The following NCBP3 variants were observed in gnomAD, a reference collection of about 807,000 sequenced individuals.
NCBP3 encodes the protein nuclear cap binding subunit 3.
NCBP3 carries 20 observed loss-of-function variants against 75.7 expected under a neutral mutation model. The ratio of observed to expected loss-of-function variants is 0.26; its 90% CI spans 0.19 to 0.38. The LOEUF (loss-of-function observed/expected upper bound fraction) is 0.38. Among genes scored for constraint, NCBP3 ranks in the 10% least tolerant of loss-of-function variants. The pLI, the probability that NCBP3 is intolerant of heterozygous loss-of-function variation, is 1.00. For missense variants in NCBP3, 678 were observed against 796.9 expected (o/e 0.85, Z 1.80); for synonymous variants, 293 against 290.5 (o/e 1.01, Z -0.09).
At chr17:3,834,513 C>T (rs974676318) in intron 3 of NCBP3, among the ~76,000 whole-genome samples, 3 of 152,200 alleles carry the variant, frequency 2.0e-5, no homozygotes, top group Non-Finnish European at 2.9e-5. Flanking sequence ...CGGTGGCTCA[C>T]GCCTGTAATC....
At chr17:3,840,817 T>A (rs779092140) in intron 2 of NCBP3, among the ~76,000 whole-genome samples, 2 of 152,212 alleles carry the variant, frequency 1.3e-5, no homozygotes, top group Non-Finnish European at 2.9e-5. Flanking sequence ...CTCTCCCTCC[T>A]CTTCCAGCCT....
At chr17:3,820,478 A>G (rs1446087688) in intron 9 of NCBP3, among the ~76,000 whole-genome samples, 1 of 152,206 alleles carries the variant, frequency 6.6e-6, no homozygotes. Context: ...TTCTTTTACA[A>G]TAAGCACCAA....
At chr17:3,835,129 C>A (rs993149781) in intron 3 of NCBP3, among the ~76,000 whole-genome samples, 1 of 152,100 alleles carries the variant, frequency 6.6e-6, no homozygotes, top group East Asian at 1.9e-4. Context: ...GGTAGAGTTA[C>A]GATGAAAATG....
At chr17:3,820,551 C>T (rs2053641807) in intron 9 of NCBP3, among the ~76,000 whole-genome samples, 1 of 152,176 alleles carries the variant, frequency 6.6e-6, no homozygotes, top group Non-Finnish European at 1.5e-5. Context: ...CATGCACAAA[C>T]CAACAAGCAC....
At chr17:3,834,238 A>C (rs1020113656) in intron 3 of NCBP3, among the ~76,000 whole-genome samples, 1 of 152,216 alleles carries the variant, frequency 6.6e-6, no homozygotes, top group Non-Finnish European at 1.5e-5. Flanking sequence ...GGAAATGCTG[A>C]CCATAGACTG....
Position 3,813,214 on chromosome 17 carries a change from G to C in NCBP3, c.1693C>G (p.His565Asp). 6.2e-7 allele frequency: 1 copy of C among 1,614,246 alleles called. No homozygotes were observed. The change falls in exon 13 of 13, where the codon CAC becomes GAC. Residue 565 changes from histidine to aspartate, a missense_variant. This residue lies in a region of NCBP3 where 365 missense variants were observed against 392.7 expected (regional missense o/e 0.93). Transcript: ENST00000389005. ...TKEKNTKKVDHRAPGAEEDDS... is the reference protein window; with the variant it reads ...TKEKNTKKVDDRAPGAEEDDS... ...TCTTCCTCAGCGCCAGGCGCCCTGTGATCCACTTTCTTCGTATTCTTTTCT... is the reference window on the plus strand; with the variant it reads ...TCTTCCTCAGCGCCAGGCGCCCTGTCATCCACTTTCTTCGTATTCTTTTCT...
rs559510465 is a variant in NCBP3, at chr17:3,831,486, T to C, written c.356-2118A>G. On this transcript the variant is annotated intron_variant, in intron 3 of 12. Coordinates refer to ENST00000389005, the MANE Select transcript of NCBP3 (RefSeq NM_001114118.3). Reference sequence around the variant, plus strand: ...TACTTGGGAGGCCGAGGCAGGAGAATGGCGTGAACCCGGGAGGCGGAGCTT... The same window carrying C: ...TACTTGGGAGGCCGAGGCAGGAGAACGGCGTGAACCCGGGAGGCGGAGCTT... 2.0e-5 allele frequency among the ~76,000 whole-genome samples: 3 copies of C among 147,320 alleles called. No individual in the cohort carries two copies. The South Asian group carries it at 6.8e-4, about 33-fold the overall frequency.
rs914055367 is a variant in NCBP3 at position 3,814,343 on chromosome 17, C to T, written c.1606G>A (p.Asp536Asn). ...CAACCTGATTTCTTCTCCCGAGTAT[C>T]GGCGTAGAGGCCTTTACTATCCTGC... ...PRQDSKGLYA[D>N]TREKKSGNLW... is the part of the protein sequence containing the mutation. The change falls in exon 12 of 13, where the codon GAT becomes AAT. Residue 536 changes from aspartate (D) to asparagine (N), a missense_variant. Transcript: ENST00000389005. The T allele has an allele frequency of 9.3e-6, 15 of 1,613,982 alleles. No homozygotes were observed. The highest frequency in any genetic ancestry group is 6.7e-5 in the East Asian group (3 of 44,902).
At chr17:3,825,426 T>A (rs1310843754) in intron 6 of NCBP3, among the ~76,000 whole-genome samples, 1 of 152,250 alleles carries the variant, frequency 6.6e-6, no homozygotes. Context: ...AGTAAATATT[T>A]TTTAAATGAA....
rs763901943 is a variant in NCBP3, at chr17:3,813,155, C to A, written c.1752G>T (p.Leu584=). Residue 584 remains leucine, a synonymous_variant, in exon 13 of 13, where the codon CTG becomes CTT. Coordinates refer to ENST00000389005, the MANE Select transcript of NCBP3 (RefSeq NM_001114118.3). Reference sequence around the variant, plus strand: ...GGCGAGACTGCTCTTTCTCCTTAATCAGAGCCCCCCATGCCCTTTGCAGCT... The same window carrying A: ...GGCGAGACTGCTCTTTCTCCTTAATAAGAGCCCCCCATGCCCTTTGCAGCT... The part of the protein sequence containing the change: ...DSELQRAWGA[L]IKEKEQSRQK... 6.8e-6 allele frequency: 11 copies of A among 1,614,112 alleles called. No homozygotes were observed. In the East Asian group the frequency reaches 2.5e-4, roughly 36 times the overall value.
chr17:3,824,620 A>G (rs1409293698), intron 7 of NCBP3: 1 of 192,456 alleles, frequency 5.2e-6, no homozygotes, highest in African/African-American at 2.4e-5. Context: ...GTTCAGGAGG[A>G]CGTTGCTGTA....
chr17:3,842,253 T>C (rs1299582294), intron 2 of NCBP3, among the ~76,000 whole-genome samples: 1 of 152,114 alleles, frequency 6.6e-6, no homozygotes, highest in Non-Finnish European at 1.5e-5. Context: ...AATGAAACCC[T>C]GTCTCTACTA....
In NCBP3 at chr17:3,803,457, A is replaced by G. The variant is rs1372839792; in HGVS notation, c.*9587T>C. 1 of 152,236 alleles carries G rather than the reference A, an allele frequency of 6.6e-6. No individual in the cohort carries two copies. Among genetic ancestry groups the G allele is most frequent in the Non-Finnish European group, 1.5e-5 (1 of 68,046 alleles). The allele number at this position is 152,236 out of a possible 1,614,324, so 9.4% of individuals were successfully genotyped here. On this transcript the variant is annotated 3_prime_UTR_variant, in exon 13 of 13. Transcript: ENST00000389005. ...TCCTGGGCTGATCAGAGAATATTAC[A>G]CATTTCCTGAATTTGAGAACTGTAC...
In NCBP3 at chr17:3,809,068, G is replaced by C. The variant is rs183369245; in HGVS notation, c.*3976C>G. 1 of 152,238 alleles carries C rather than the reference G, an allele frequency of 6.6e-6. No homozygotes were observed. The highest frequency in any genetic ancestry group is 1.5e-5 in the Non-Finnish European group (1 of 68,024). 9.4% of individuals were successfully genotyped at this position (152,238 alleles called of 1,614,324 possible). A position where few individuals can be genotyped will look rare whatever the true frequency, so the allele number is the denominator to read the frequency against. On this transcript the variant is annotated 3_prime_UTR_variant, in exon 13 of 13. Coordinates refer to ENST00000389005, the MANE Select transcript of NCBP3 (RefSeq NM_001114118.3). ...GGAGGTCAAGGCAGGAGGATCACTT[G>C]AGGCCAGGAGTGCTAGACGGCCTGG...
chr17:3,812,576 TCCCTC>T lies in NCBP3; in HGVS notation c.*463_*467del. On this transcript the variant is annotated 3_prime_UTR_variant, in exon 13 of 13. Coordinates refer to ENST00000389005, the MANE Select transcript of NCBP3 (RefSeq NM_001114118.3). ...GTCCCGGAAGGGTGAGCTGGCCGCT[TCCCTC>T]CTCTTCCCCCTCGAAGGATGTCCAA... 8 of 1,009,618 alleles carry T rather than the reference TCCCTC, an allele frequency of 7.9e-6. No homozygotes were observed. In the Admixed American group the frequency reaches 1.6e-4, roughly 20 times the overall value. 62.5% of individuals were successfully genotyped at this position (1,009,618 alleles called of 1,614,324 possible).
intron 3 of NCBP3, among the ~76,000 whole-genome samples, chr17:3,830,905 CTTTTT>C (rs1274184194): frequency 7.1e-6 from 1 of 141,816 alleles, no homozygotes. Flanking sequence ...TTTTAACTAC[CTTTTT>C]TTTTTTTTCT....
chr17:3,825,535 T>C (rs2053767983), intron 6 of NCBP3, among the ~76,000 whole-genome samples: 1 of 152,248 alleles, frequency 6.6e-6, no homozygotes, highest in South Asian at 2.1e-4. Context: ...CTTCAAAGTA[T>C]TTCTCAATAA....
At chr17:3,844,149 G>A (rs2054115700) in intron 1 of NCBP3, among the ~76,000 whole-genome samples, 1 of 152,188 alleles carries the variant, frequency 6.6e-6, no homozygotes, top group African/African-American at 2.4e-5. Flanking sequence ...AACGCAGAAG[G>A]TCCAGCCTCA....
At chr17:3,842,734 C>T (rs1009882865) in intron 2 of NCBP3, among the ~76,000 whole-genome samples, 12 of 152,132 alleles carry the variant, frequency 7.9e-5, no homozygotes, top group Non-Finnish European at 1.8e-4. Context: ...CAGCCTCAAC[C>T]TCTCAGGCTC....
Sources: gnomAD v4.1 joint callset for allele counts (sites outside exome capture counted in the v4.1 genomes callset) on GRCh38, gnomAD v4.1.1 for gene constraint, gnomAD v4.1.1 regional missense constraint, MANE v1.5 for transcripts, NCBI Gene and HGNC (gene_info 2026-07-23, HGNC 2026-07-21) for gene names.